Variants in AREL1 observed in about 807,000 individuals in gnomAD.
AREL1 encodes apoptosis-resistant E3 ubiquitin protein ligase 1.
Under a neutral mutation model 99.0 loss-of-function variants are expected in AREL1, and 62 were observed. The ratio of observed to expected loss-of-function variants is 0.63; its 90% confidence interval spans 0.51 to 0.77. The LOEUF (loss-of-function observed/expected upper bound fraction) is 0.77. AREL1 is among the 30% of genes least tolerant of loss of function. AREL1 has a pLI of 0.00. For missense variants in AREL1, 879 were observed against 1,027.6 expected, an observed-to-expected ratio of 0.86 and a Z score of 1.98; for synonymous variants, 380 against 376.5, an observed-to-expected ratio of 1.01 and a Z score of -0.11.
Position 74,676,608 on chromosome 14 carries a change from T to C in AREL1, c.626A>G (p.His209Arg). The change falls in exon 6 of 20, where the codon CAC (histidine) becomes CGC (arginine). Residue 209 changes from histidine (H) to arginine (R), a missense_variant. Physicochemically the swap from His to Arg is conservative, Grantham distance 29 (BLOSUM62 0). Transcript: ENST00000356357. Reference sequence around the variant, plus strand: ...CTCATGAATGGACAAGGTGTAATTGTGCTCATCTCTCAAGGACATGGAATT... The same window carrying C: ...CTCATGAATGGACAAGGTGTAATTGCGCTCATCTCTCAAGGACATGGAATT... ...TNNSMSLRDE[H>R]NYTLSIHELG... The C allele has an allele frequency of 6.2e-7, 1 of 1,613,704 alleles. No individual in the cohort carries two copies. Among genetic ancestry groups the C allele is most frequent in the Non-Finnish European group, 8.5e-7 (1 of 1,179,918 alleles).
intron 1 of AREL1, among the ~76,000 whole-genome samples, chr14:74,707,458 C>T (rs1202994527): frequency 2.6e-5 from 4 of 151,594 alleles, no homozygotes; most frequent in South Asian, 2.1e-4. Flanking sequence ...GTCAGGAGAT[C>T]GAGACCACCC....
intron 1 of AREL1, among the ~76,000 whole-genome samples, chr14:74,707,990 A>T (rs1055668757): frequency 6.6e-6 from 1 of 151,780 alleles, no homozygotes; most frequent in African/African-American, 2.4e-5. Flanking sequence ...ATTACACATG[A>T]TCTAACTGGA....
At position 74,663,984 on chromosome 14, in the gene AREL1, G is replaced by A; in HGVS notation, c.2284C>T (p.Pro762Ser). ...CAGAGGGCGGCAAAGCCTCCAGGTG[G>A]TAGCTGAGAGGAGCCTGTTGTGAAC... Reference protein sequence around the residue: ...LQFTTGSSQLPPGGFAALCPS... With the variant: ...LQFTTGSSQLSPGGFAALCPS... Residue 762 changes from proline (P) to serine (S), a missense_variant, in exon 19 of 20, where the codon CCA becomes TCA. Coordinates refer to ENST00000356357, the MANE Select transcript of AREL1 (RefSeq NM_001039479.2). The A allele has an allele frequency of 6.2e-7, 1 of 1,614,200 alleles. No homozygotes were observed. Among genetic ancestry groups the A allele is most frequent in the South Asian group, 1.1e-5 (1 of 91,080 alleles).
intron 13 of AREL1, 162 bp from the exon 14 acceptor site, chr14:74,670,288 C>A (rs2089304942): frequency 1.7e-6 from 1 of 604,736 alleles, no homozygotes; most frequent in East Asian, 2.9e-5. Context: ...CTGAGTAATT[C>A]AAAGTGACTA....
At chr14:74,692,855 T>C (rs2089911472) in intron 1 of AREL1, among the ~76,000 whole-genome samples, 1 of 152,092 alleles carries the variant, frequency 6.6e-6, no homozygotes. Context: ...AGGCGTGCAC[T>C]ACCACACCTG....
In AREL1 at chr14:74,673,159, G is replaced by A; in HGVS notation, c.1218C>T (p.Gly406=). 1.9e-6 allele frequency: 3 copies of A among 1,614,152 alleles called. No homozygotes were observed. Among genetic ancestry groups the A allele is most frequent in the Non-Finnish European group, 2.5e-6 (3 of 1,180,028 alleles). Residue 406 remains glycine (G), a synonymous_variant, in exon 10 of 20, where the codon GGC becomes GGT. Transcript: ENST00000356357. ...AGCTGAGCTCCACAGGAGGTTGAAT[G>A]CCATCATCCACCACCAGTGTGAGCA... ...HKLLTLVVDD[G]IQPPVELSCK...
chr14:74,663,832 C>A lies in AREL1; in HGVS notation c.2370-10G>T, dbSNP rs1435118764. On this transcript the variant is annotated splice_polypyrimidine_tract_variant and intron_variant, in intron 19 of 19. Coordinates refer to ENST00000356357, the MANE Select transcript of AREL1 (RefSeq NM_001039479.2). ...GCACAGCTGGTTAAAACTGGAAGGG[C>A]AAGGGAGAAGTGATTAACTCATACC... 1 of 1,613,980 alleles carries A rather than the reference C, an allele frequency of 6.2e-7. No individual in the cohort carries two copies.
chr14:74,689,997 C>T (rs1257128236), intron 2 of AREL1, among the ~76,000 whole-genome samples: 2 of 151,374 alleles, frequency 1.3e-5, no homozygotes, highest in Admixed American at 6.6e-5. Context: ...TCTGTAACCC[C>T]AACACTTTGG....
rs753955300 is a variant in AREL1, at chr14:74,675,851, T to G, written c.928A>C (p.Thr310Pro). Residue 310 changes from threonine to proline, a missense_variant, in exon 8 of 20, where the codon ACT (threonine) becomes CCT (proline). By Grantham distance (38) the Thr-to-Pro change is conservative (BLOSUM62 -1). Transcript: ENST00000356357. ...YLYNATNCSSTPWHLPPMHMT... is the reference protein window; with the variant it reads ...YLYNATNCSSPPWHLPPMHMT... ...TGCATGGGTGGCAGGTGCCATGGAG[T>G]GCTGCTACAGTTGGTAGCATTATAA... is the stretch of plus-strand genomic sequence containing the variant. 6.2e-7 allele frequency: 1 copy of G among 1,614,036 alleles called. No individual in the cohort carries two copies. The highest frequency in any genetic ancestry group is 1.1e-5 in the South Asian group (1 of 91,060).
chr14:74,682,673 T>G (rs1399241742), intron 5 of AREL1, among the ~76,000 whole-genome samples: 1 of 152,178 alleles, frequency 6.6e-6, no homozygotes, highest in African/African-American at 2.4e-5. Context: ...GATGGGGTCA[T>G]AGGGGAGGAT....
chr14:74,704,443 G>T (rs557331024), intron 1 of AREL1, among the ~76,000 whole-genome samples: 1 of 152,066 alleles, frequency 6.6e-6, no homozygotes, highest in Non-Finnish European at 1.5e-5. Flanking sequence ...GAGTAGGGAG[G>T]GGGGCTTCCA....
In AREL1 at chr14:74,661,283, T is replaced by C; in HGVS notation, c.*2437A>G. 2.2e-6 allele frequency: 1 copy of C among 456,336 alleles called. No homozygotes were observed. Among genetic ancestry groups the C allele is most frequent in the Non-Finnish European group, 4.4e-6 (1 of 226,738 alleles). The allele number at this position is 456,336 out of a possible 1,614,324, so 28.3% of individuals were successfully genotyped here. A position where few individuals can be genotyped will look rare whatever the true frequency, so the allele number is the denominator to read the frequency against. On this transcript the variant is annotated 3_prime_UTR_variant, in exon 20 of 20. Transcript: ENST00000356357. ...CTTTTAAACATTTATTTATCTACTG[T>C]ACAAAATATTTACATCATCAGCTGC...
In AREL1 at chr14:74,669,793, A is replaced by G; in HGVS notation, c.1789-19T>C. 6.2e-7 allele frequency: 1 copy of G among 1,613,840 alleles called. No homozygotes were observed. The highest frequency in any genetic ancestry group is 8.5e-7 in the Non-Finnish European group (1 of 1,179,814). On this transcript the variant is annotated intron_variant, in intron 14 of 19. Coordinates refer to ENST00000356357, the MANE Select transcript of AREL1 (RefSeq NM_001039479.2). Reference sequence around the variant, plus strand: ...CAAAGTACTGAGGAGGCAGAAAGACACAGAACAGAACATGAATACTCTTGC... The same window carrying G: ...CAAAGTACTGAGGAGGCAGAAAGACGCAGAACAGAACATGAATACTCTTGC...
At chr14:74,677,921 GA>G (rs1566686765) in intron 5 of AREL1, among the ~76,000 whole-genome samples, 2 of 149,672 alleles carry the variant, frequency 1.3e-5, no homozygotes, top group Admixed American at 6.7e-5. Context: ...TAAGTAAAAT[GA>G]AAAAAACTTG....
rs183262583 is a variant in AREL1, at chr14:74,667,346, C to T, written c.2076G>A (p.Leu692=). Residue 692 remains leucine, a synonymous_variant, in exon 17 of 20, where the codon TTG becomes TTA. Transcript: ENST00000356357. ...GLNELVPENL[L]AIFDENELEL... ...CAAGCTCATTCTCATCAAAAATAGC[C>T]AAAAGGTTCTCAGGGACCAATTCAT... 1.2e-6 allele frequency: 2 copies of T among 1,614,046 alleles called. No homozygotes were observed. The highest frequency in any genetic ancestry group is 2.2e-5 in the East Asian group (1 of 44,886).
intron 11 of AREL1, 73 bp from the exon 12 acceptor site, chr14:74,671,556 G>T: frequency 4.0e-6 from 4 of 996,902 alleles, no homozygotes; most frequent in Non-Finnish European, 6.0e-6. Context: ...GACAACACAA[G>T]AGCACTGCCA....
At chr14:74,690,264 CAAAAA>C (rs5809676) in intron 2 of AREL1, among the ~76,000 whole-genome samples, 1 of 73,120 alleles carries the variant, frequency 1.4e-5, no homozygotes, top group Non-Finnish European at 2.5e-5. Flanking sequence ...ACCCTGTCTC[CAAAAA>C]AAAAAAAAAA....
At chr14:74,696,980 T>A (rs2089988835) in intron 1 of AREL1, among the ~76,000 whole-genome samples, 1 of 151,886 alleles carries the variant, frequency 6.6e-6, no homozygotes, top group South Asian at 2.1e-4. Flanking sequence ...TAAAATAAAA[T>A]AATAAAATAA....
chr14:74,667,535 G>A lies in AREL1; in HGVS notation c.1974C>T (p.Phe658=), dbSNP rs745482901. 6.2e-7 allele frequency: 1 copy of A among 1,613,922 alleles called. No homozygotes were observed. ...GATATTGGGCCAGCAAATTTAAATA[G>A]AAGATTTTATTCGCATTGGTGACTG... ...QTPVTNANKI[F]YLNLLAQYRL... is the part of the protein sequence containing the mutation. The change falls in exon 16 of 20, where the codon TTC becomes TTT. Residue 658 remains phenylalanine (F), a synonymous_variant. Transcript: ENST00000356357.
Sources: gnomAD v4.1 joint callset for allele counts (sites outside exome capture counted in the v4.1 genomes callset) on GRCh38, gnomAD v4.1.1 for gene constraint, MANE v1.5 for transcripts, NCBI Gene and HGNC (gene_info 2026-07-23, HGNC 2026-07-21) for gene names.